NOS1: variants seen among roughly 807,000 people sequenced by gnomAD.
NOS1 encodes the protein NOS type I.
Under a neutral mutation model 164.5 loss-of-function variants are expected in NOS1, and 51 were observed. The ratio of observed to expected loss-of-function variants is 0.31; its 90% CI spans 0.25 to 0.39. The LOEUF (loss-of-function observed/expected upper bound fraction) is 0.39, where lower values mean the gene tolerates loss of function less well. NOS1 is among the 10% of genes least tolerant of loss of function. The pLI, the probability that NOS1 is intolerant of heterozygous loss-of-function variation, is 1.00. For missense variants in NOS1, 1,362 were observed against 1,885.6 expected (o/e 0.72, Z 5.14); for synonymous variants, 719 against 745.8 (o/e 0.96, Z 0.59).
At chr12:117,304,384 A>T (rs746732326) in intron 3 of NOS1, among the ~76,000 whole-genome samples, 1 of 152,152 alleles carries the variant, frequency 6.6e-6, no homozygotes, top group Non-Finnish European at 1.5e-5. Context: ...TCTTGGGGTA[A>T]ACCTTCCCTG....
intron 1 of NOS1, among the ~76,000 whole-genome samples, chr12:117,358,102 T>G (rs193274350): frequency 9.2e-5 from 14 of 152,168 alleles, no homozygotes; most frequent in Admixed American, 7.9e-4. Flanking sequence ...AGTCTTGTCA[T>G]AAGACACCCC....
chr12:117,288,157 C>T lies in NOS1; in HGVS notation c.1044G>A (p.Arg348=). Residue 348 remains arginine (R), a synonymous_variant, in exon 5 of 29, where the codon AGG becomes AGA. Coordinates refer to ENST00000317775, the MANE Select transcript of NOS1 (RefSeq NM_000620.5). ...CTTTTGTGCGGACGTCTTCAGGCCT[C>T]CTTGCATGCTGAGAAGGATGCATGA... ...GSIMHPSQHA[R]RPEDVRTKGQ... is the part of the protein sequence containing the mutation. 5.6e-6 allele frequency: 9 copies of T among 1,614,106 alleles called. No homozygotes were observed. Among genetic ancestry groups the T allele is most frequent in the South Asian group, 1.1e-5 (1 of 91,082 alleles).
intron 1 of NOS1, among the ~76,000 whole-genome samples, chr12:117,359,914 A>T (rs867127465): frequency 3.0e-5 from 2 of 66,494 alleles, no homozygotes; most frequent in African/African-American, 1.3e-4. Context: ...ATATATATAT[A>T]TATATATATA....
chr12:117,257,675 A>G (rs1871569892), intron 16 of NOS1, among the ~76,000 whole-genome samples: 1 of 141,158 alleles, frequency 7.1e-6, no homozygotes, highest in African/African-American at 2.7e-5. Flanking sequence ...TCCTGGGGCC[A>G]AGTGATCCTT....
Position 117,222,963 on chromosome 12 carries a change from A to C in NOS1, c.3827-100T>G. The C allele has an allele frequency of 5.9e-6, 8 of 1,366,324 alleles. No homozygotes were observed. The South Asian group carries it at 1.1e-4, about 19-fold the overall frequency. The allele number at this position is 1,366,324 out of a possible 1,614,324, so 84.6% of individuals were successfully genotyped here. A position where few individuals can be genotyped will look rare whatever the true frequency, so the allele number is the denominator to read the frequency against. ...GGGTACTGAGACCTTAGCGTGTGCC[A>C]TGCGGATAGAGGCTCACAAACACTA... is the stretch of plus-strand genomic sequence containing the variant. On this transcript the variant is annotated intron_variant, in intron 25 of 28. Coordinates refer to ENST00000317775, the MANE Select transcript of NOS1 (RefSeq NM_000620.5).
intron 22 of NOS1, among the ~76,000 whole-genome samples, chr12:117,230,392 C>T (rs762371191): frequency 6.6e-6 from 1 of 152,222 alleles, no homozygotes; most frequent in African/African-American, 2.4e-5. Context: ...AAATAATGGT[C>T]TCCTGTTCTA....
intron 20 of NOS1, among the ~76,000 whole-genome samples, chr12:117,239,583 T>C (rs1869999700): frequency 1.3e-5 from 2 of 152,356 alleles, no homozygotes; most frequent in South Asian, 4.1e-4. Flanking sequence ...CTGCAATTAG[T>C]GGTCTCTCAC....
At position 117,247,489 on chromosome 12, in the gene NOS1, G is replaced by A. The variant is rs2135960466; in HGVS notation, c.2682C>T (p.Tyr894=). The part of the protein sequence containing the change: ...FSVFGLGSRA[Y]PHFCAFGHAV... ...CGTGTCCGAAGGCGCAAAAGTGAGG[G>A]TATGCTCGTGAGCCGAGGCCAAAAA... The change falls in exon 18 of 29, where the codon TAC becomes TAT. Residue 894 remains tyrosine, a synonymous_variant. Transcript: ENST00000317775. 1 of 1,612,000 alleles carries A rather than the reference G, an allele frequency of 6.2e-7. No individual in the cohort carries two copies. Among genetic ancestry groups the A allele is most frequent in the Non-Finnish European group, 8.5e-7 (1 of 1,179,240 alleles).
Position 117,290,316 on chromosome 12 carries a change from G to C in NOS1, c.963C>G (p.Leu321=). The part of the protein sequence containing the change: ...WETEVVLTDT[L]HLKSTLETGC... ...TACTTACCAATGTGCTCTTAAGGTG[G>C]AGGGTGTCAGTGAGAACCACCTCAG... is the stretch of plus-strand genomic sequence containing the variant. The change falls in exon 4 of 29, where the codon CTC becomes CTG. Residue 321 remains leucine, a synonymous_variant. Transcript: ENST00000317775. 2 of 1,614,128 alleles carry C rather than the reference G, an allele frequency of 1.2e-6. No individual in the cohort carries two copies. Among genetic ancestry groups the C allele is most frequent in the Non-Finnish European group, 1.7e-6 (2 of 1,180,016 alleles).
chr12:117,281,519 C>CAAAAAAAA (rs56248436), intron 7 of NOS1, among the ~76,000 whole-genome samples: 1 of 50,858 alleles, frequency 2.0e-5, no homozygotes, highest in East Asian at 6.7e-4. Flanking sequence ...GACTCCATCT[C>CAAAAAAAA]AAAAAAAAAA....
At chr12:117,322,321 CCTTCCCT>C in intron 2 of NOS1, among the ~76,000 whole-genome samples, 3 of 92,608 alleles carry the variant, frequency 3.2e-5, no homozygotes, top group Non-Finnish European at 7.2e-5. Flanking sequence ...CCCTCCTCTT[CCTTCCCT>C]CCTTCCTTCC....
rs79673175 is a variant in NOS1 at position 117,265,342 on chromosome 12, G to A, written c.2110C>T (p.Arg704Trp). Residue 704 changes from arginine (R) to tryptophan (W), a missense_variant, in exon 12 of 29, where the codon CGG (arginine) becomes TGG (tryptophan). Transcript: ENST00000317775. ...PVFHQEMLNY[R>W]LTPSFEYQPD... ...TGGTATTCGAAGGAGGGGGTGAGCC[G>A]GTAGTTGAGCATCTCCTGGTGGAAC... The A allele has an allele frequency of 2.6e-6, 4 of 1,559,420 alleles. No individual in the cohort carries two copies. Among genetic ancestry groups the A allele is most frequent in the Non-Finnish European group, 3.5e-6 (4 of 1,146,948 alleles).
At chr12:117,335,342 C>T (rs923822355) in intron 1 of NOS1, among the ~76,000 whole-genome samples, 2 of 152,132 alleles carry the variant, frequency 1.3e-5, no homozygotes, top group African/African-American at 4.8e-5. Flanking sequence ...AGCCCTGCCT[C>T]CGCCCTCAGG....
rs377093204 is a variant in NOS1 at position 117,315,933 on chromosome 12, C to T, written c.726-4341G>A. Among the ~76,000 whole-genome samples the T allele has an allele frequency of 2.6e-5, 4 of 152,328 alleles. No individual in the cohort carries two copies. In the East Asian group the frequency reaches 7.7e-4, roughly 29 times the overall value. On this transcript the variant is annotated intron_variant, in intron 2 of 28. Transcript: ENST00000317775. ...AAGAAACTTCTAGCTCTGTGTAGAA[C>T]ACTGACTATTCCTCTAAGTCATCTC...
In NOS1 at chr12:117,337,104, C is replaced by CTATTTTTTTTTTTTTTTT. The variant is rs1566082153; in HGVS notation, c.-420-5616_-420-5615insAAAAAAAAAAAAAAAATA. Among the ~76,000 whole-genome samples the CTATTTTTTTTTTTTTTTT allele has an allele frequency of 5.3e-5, 5 of 94,074 alleles. 2 individuals carry two copies. The highest frequency in any genetic ancestry group is 7.8e-5 in the African/African-American group (2 of 25,536). The allele number at this position is 94,074 out of a possible 152,430, so 61.7% of individuals were successfully genotyped here. A position where few individuals can be genotyped will look rare whatever the true frequency, so the allele number is the denominator to read the frequency against. ...AGCCACTGTACCCAGCTGCTTTTTACTCTTTTTTTTTTTTTTTTTTTTTTT... is the reference window on the plus strand; with the variant it reads ...AGCCACTGTACCCAGCTGCTTTTTACTATTTTTTTTTTTTTTTTTCTTTTTTTTTTTTTTTTTTTTTTT... On this transcript the variant is annotated intron_variant, in intron 1 of 28. Coordinates refer to ENST00000317775, the MANE Select transcript of NOS1 (RefSeq NM_000620.5).
At chr12:117,235,925 C>G (rs1444753572) in intron 20 of NOS1, among the ~76,000 whole-genome samples, 2 of 152,154 alleles carry the variant, frequency 1.3e-5, no homozygotes, top group Admixed American at 1.3e-4. Context: ...TGCCTGTAAT[C>G]CCAGCTACTT....
intron 10 of NOS1, among the ~76,000 whole-genome samples, chr12:117,271,826 T>C (rs1872811068): frequency 6.6e-6 from 1 of 152,210 alleles, no homozygotes; most frequent in African/African-American, 2.4e-5. Flanking sequence ...TAGATACGGA[T>C]GACTCAGCCC....
intron 22 of NOS1, among the ~76,000 whole-genome samples, chr12:117,230,147 C>T (rs1392420188): frequency 1.3e-5 from 2 of 152,052 alleles, no homozygotes; most frequent in African/African-American, 2.4e-5. Flanking sequence ...CTCCTGGCCT[C>T]AAGCAATCTT....
In NOS1 at chr12:117,208,719, A is replaced by T; in HGVS notation, c.*6590T>A. On this transcript the variant is annotated 3_prime_UTR_variant, in exon 29 of 29. Transcript: ENST00000317775. ...ACAGACTGCCATCCTCTGTTCTGGC[A>T]TGGGAGGGCTTTTTTTTTTTTTTCC... is the stretch of plus-strand genomic sequence containing the variant. The T allele has an allele frequency of 1.0e-6, 1 of 1,001,124 alleles. No homozygotes were observed. Among genetic ancestry groups the T allele is most frequent in the South Asian group, 3.8e-5 (1 of 26,186 alleles). 62.0% of individuals were successfully genotyped at this position (1,001,124 alleles called of 1,614,324 possible). A position where few individuals can be genotyped will look rare whatever the true frequency, so the allele number is the denominator to read the frequency against.
Sources: gnomAD v4.1 joint callset for allele counts (sites outside exome capture counted in the v4.1 genomes callset) on GRCh38, gnomAD v4.1.1 for gene constraint, MANE v1.5 for transcripts, NCBI Gene and HGNC (gene_info 2026-07-23, HGNC 2026-07-21) for gene names.